FOXP1: variants seen among roughly 807,000 people sequenced by gnomAD.
FOXP1 encodes forkhead box P1.
FOXP1 carries 15 observed loss-of-function variants against 98.2 expected under a neutral mutation model. That is an observed-to-expected ratio of 0.15 (90% CI 0.10 to 0.24). The LOEUF (loss-of-function observed/expected upper bound fraction) is 0.24, where lower values mean the gene tolerates loss of function less well. Among genes scored for constraint, FOXP1 ranks in the 10% least tolerant of loss-of-function variants. The pLI is 1.00. For missense variants in FOXP1, 633 were observed against 848.5 expected (o/e 0.75, Z 3.15); for synonymous variants, 371 against 314.5 (o/e 1.18, Z -1.90).
chr3:71,192,983 A>G (rs2063081951), intron 6 of FOXP1, among the ~76,000 whole-genome samples: 1 of 152,006 alleles, frequency 6.6e-6, no homozygotes, highest in African/African-American at 2.4e-5. Flanking sequence ...AAAAGAAAAA[A>G]GTATTTCTAC....
rs1553768004 is a variant in FOXP1 at position 71,174,826 on chromosome 3, A to ACC, written c.180+23374_180+23375dup. ...CACACACACACACACACACACACAC[A>ACC]CCCCAATATACCCCAGGGTAGGAAG... On this transcript the variant is annotated intron_variant, in intron 6 of 20. Coordinates refer to ENST00000649528, the MANE Select transcript of FOXP1 (RefSeq NM_001349338.3). Among the ~76,000 whole-genome samples, 462 of 147,302 alleles carry ACC rather than the reference A, an allele frequency of 3.1e-3. 3 individuals are homozygous for ACC. Among genetic ancestry groups the ACC allele is most frequent in the East Asian group, 0.014 (69 of 5,016 alleles).
chr3:71,129,993 G>C (rs1475218130), intron 6 of FOXP1, among the ~76,000 whole-genome samples: 1 of 152,192 alleles, frequency 6.6e-6, no homozygotes, highest in Non-Finnish European at 1.5e-5. Flanking sequence ...TCAGCAGTCT[G>C]ACTTTTATTG....
At chr3:71,103,951 T>TCC (rs199683908) in intron 7 of FOXP1, among the ~76,000 whole-genome samples, 2 of 151,992 alleles carry the variant, frequency 1.3e-5, no homozygotes, top group African/African-American at 4.8e-5. Flanking sequence ...CTTAAGATGT[T>TCC]CCCCCCCCAA....
chr3:71,134,087 A>G (rs1016360650), intron 6 of FOXP1, among the ~76,000 whole-genome samples: 3 of 148,326 alleles, frequency 2.0e-5, no homozygotes, highest in African/African-American at 8.0e-5. Flanking sequence ...TTGCAGCTGA[A>G]GTTGAGCCCA....
At chr3:71,192,378 GGTGCCC>G (rs979428274) in intron 6 of FOXP1, among the ~76,000 whole-genome samples, 3 of 152,118 alleles carry the variant, frequency 2.0e-5, no homozygotes, top group African/African-American at 7.2e-5. Context: ...ATTTTAATAT[GGTGCCC>G]CAGAGGCCTA....
intron 5 of FOXP1, among the ~76,000 whole-genome samples, chr3:71,293,187 A>G (rs2072938165): frequency 6.6e-6 from 1 of 152,260 alleles, no homozygotes; most frequent in Admixed American, 6.5e-5. Flanking sequence ...TCTATTTCCT[A>G]CATCTGTGGT....
chr3:71,376,132 A>G (rs2079694571), intron 3 of FOXP1, among the ~76,000 whole-genome samples: 1 of 152,194 alleles, frequency 6.6e-6, no homozygotes, highest in African/African-American at 2.4e-5. Context: ...GATTACATCA[A>G]ATGTCATTGA....
At chr3:71,108,600 T>C (rs1456919662) in intron 7 of FOXP1, among the ~76,000 whole-genome samples, 1 of 152,188 alleles carries the variant, frequency 6.6e-6, no homozygotes. Flanking sequence ...ACCAAGTCTC[T>C]ACTAAAATTA....
At chr3:71,035,677 T>A (rs570057473) in intron 11 of FOXP1, among the ~76,000 whole-genome samples, 1 of 152,104 alleles carries the variant, frequency 6.6e-6, no homozygotes, top group Non-Finnish European at 1.5e-5. Flanking sequence ...CCACAGGTTC[T>A]CCAAAATGCT....
At chr3:71,542,162 G>GA (rs1387033618) in intron 2 of FOXP1, 5 of 411,284 alleles carry the variant, frequency 1.2e-5, no homozygotes, top group Admixed American at 7.2e-5. Context: ...TTTCCTCTGT[G>GA]AAAAAAACAA....
intron 2 of FOXP1, among the ~76,000 whole-genome samples, chr3:71,495,930 G>A (rs1165871428): frequency 2.6e-5 from 4 of 152,180 alleles, no homozygotes; most frequent in Non-Finnish European, 5.9e-5. Flanking sequence ...CAGGGAGAGG[G>A]AAGGAATGTG....
chr3:71,462,825 C>T (rs1185629356), intron 3 of FOXP1, among the ~76,000 whole-genome samples: 5 of 152,172 alleles, frequency 3.3e-5, no homozygotes, highest in South Asian at 4.1e-4. Context: ...AGGACCGCCA[C>T]ATATATATTG....
chr3:71,351,632 T>C (rs1304431505), intron 4 of FOXP1, among the ~76,000 whole-genome samples: 1 of 152,098 alleles, frequency 6.6e-6, no homozygotes, highest in African/African-American at 2.4e-5. Context: ...CCCTGGTAAA[T>C]AAAAAGCCTT....
intron 7 of FOXP1, among the ~76,000 whole-genome samples, chr3:71,096,581 T>A (rs2056477241): frequency 6.6e-6 from 1 of 152,190 alleles, no homozygotes; most frequent in Non-Finnish European, 1.5e-5. Context: ...TGTGAGCACC[T>A]GACTGGGCAT....
At chr3:71,196,804 A>G (rs550981798) in intron 6 of FOXP1, among the ~76,000 whole-genome samples, 23 of 152,344 alleles carry the variant, frequency 1.5e-4, no homozygotes, top group African/African-American at 5.5e-4. Flanking sequence ...TATACACAAC[A>G]AGCATCACAA....
intron 6 of FOXP1, among the ~76,000 whole-genome samples, chr3:71,139,869 T>C (rs2059985943): frequency 6.6e-6 from 1 of 152,142 alleles, no homozygotes; most frequent in African/African-American, 2.4e-5. Flanking sequence ...TCAATACTTC[T>C]AGGCAGCCAC....
intron 16 of FOXP1, 56 bp from the exon 17 acceptor site, chr3:70,977,098 T>G (rs1024364889): frequency 8.8e-7 from 1 of 1,137,832 alleles, no homozygotes; most frequent in African/African-American, 1.5e-5. Flanking sequence ...AGAGTCGTCA[T>G]TCCACAGTTT....
intron 13 of FOXP1, among the ~76,000 whole-genome samples, chr3:70,999,869 AG>A (rs2041891173): frequency 6.6e-6 from 1 of 152,236 alleles, no homozygotes; most frequent in Admixed American, 6.5e-5. Context: ...CATACAAAAT[AG>A]GCTTTTCGAT....
At chr3:71,286,674 T>C (rs1358720312) in intron 5 of FOXP1, among the ~76,000 whole-genome samples, 2 of 151,926 alleles carry the variant, frequency 1.3e-5, no homozygotes, top group Non-Finnish European at 2.9e-5. Flanking sequence ...AGTGGGAAAA[T>C]ATCGAGGGAG....
Sources: gnomAD v4.1 joint callset for allele counts (sites outside exome capture counted in the v4.1 genomes callset) on GRCh38, gnomAD v4.1.1 for gene constraint, MANE v1.5 for transcripts, NCBI Gene and HGNC (gene_info 2026-07-23, HGNC 2026-07-21) for gene names.